The following GORASP2 variants were observed in gnomAD, a reference collection of about 807,000 sequenced individuals.
GORASP2 encodes Golgi reassembly-stacking protein 2.
A neutral mutation model predicts 45.7 loss-of-function variants in GORASP2; 22 were observed. The ratio of observed to expected loss-of-function variants is 0.48; its 90% CI spans 0.34 to 0.69. The LOEUF is 0.69. Ranked by LOEUF, GORASP2 falls within the 30% of genes least tolerant of loss-of-function variation. The pLI, the probability that GORASP2 is intolerant of heterozygous loss-of-function variation, is 0.01. For missense variants in GORASP2, 491 were observed against 562.7 expected (o/e 0.87, Z 1.29); for synonymous variants, 221 against 215.6 (o/e 1.02, Z -0.22).
chr2:170,954,618 A>G, intron 5 of GORASP2, 32 bp from the exon 6 acceptor site: 1 of 1,590,124 alleles, frequency 6.3e-7, no homozygotes, highest in Non-Finnish European at 8.6e-7. Flanking sequence ...GCTGTGATAG[A>G]TAACAACGTT....
At chr2:170,937,048 A>G (rs1480980883) in intron 1 of GORASP2, among the ~76,000 whole-genome samples, 2 of 152,112 alleles carry the variant, frequency 1.3e-5, no homozygotes, top group Non-Finnish European at 2.9e-5. Context: ...TCTCTACAAA[A>G]AATACAAGAA....
intron 1 of GORASP2, among the ~76,000 whole-genome samples, chr2:170,930,220 A>G (rs758683090): frequency 3.3e-5 from 5 of 152,228 alleles, no homozygotes; most frequent in Non-Finnish European, 7.3e-5. Context: ...GCGTCAGCTA[A>G]GCCCCTACCT....
chr2:170,945,797 G>C (rs1244014987), intron 1 of GORASP2, among the ~76,000 whole-genome samples: 1 of 152,156 alleles, frequency 6.6e-6, no homozygotes, highest in Non-Finnish European at 1.5e-5. Flanking sequence ...ACTGGTATTA[G>C]AAGGATGTAT....
intron 6 of GORASP2, among the ~76,000 whole-genome samples, chr2:170,956,037 T>C (rs1038834407): frequency 2.6e-5 from 4 of 152,238 alleles, no homozygotes; most frequent in African/African-American, 9.6e-5. Context: ...GCTGATTTCT[T>C]TCCTGAGCAA....
At chr2:170,940,400 T>G (rs773087083) in intron 1 of GORASP2, among the ~76,000 whole-genome samples, 5 of 152,158 alleles carry the variant, frequency 3.3e-5, no homozygotes, top group African/African-American at 4.8e-5. Flanking sequence ...CCTCTTACTC[T>G]GCCATTCCTC....
chr2:170,952,915 A>T (rs553829905), intron 5 of GORASP2, among the ~76,000 whole-genome samples: 1 of 152,312 alleles, frequency 6.6e-6, no homozygotes, highest in South Asian at 2.1e-4. Context: ...GCTTCAAGCA[A>T]TCTTCCCACC....
chr2:170,929,264 G>C lies in GORASP2; in HGVS notation c.-77G>C. On this transcript the variant is annotated 5_prime_UTR_variant, in exon 1 of 10. Coordinates refer to ENST00000234160, the MANE Select transcript of GORASP2 (RefSeq NM_015530.5). ...GAGTGCCACGTCCCAAGTGCTACGC[G>C]GAGGATTAGAGCAGGCGGTGCGCTG... is the stretch of plus-strand genomic sequence containing the variant. The C allele has an allele frequency of 1.7e-6, 2 of 1,157,566 alleles. No homozygotes were observed. The highest frequency in any genetic ancestry group is 2.2e-6 in the Non-Finnish European group (2 of 894,046). 71.7% of individuals were successfully genotyped at this position (1,157,566 alleles called of 1,614,324 possible). A position where few individuals can be genotyped will look rare whatever the true frequency, so the allele number is the denominator to read the frequency against.
chr2:170,945,516 G>A (rs55728499), intron 1 of GORASP2, among the ~76,000 whole-genome samples: 81,524 of 135,022 alleles, frequency 0.6, 25,533 homozygotes, highest in East Asian at 0.94. Flanking sequence ...AAAAAAAAAA[G>A]AAGAAGAAGA....
At chr2:170,948,977 A>C (rs1704237470) in intron 2 of GORASP2, among the ~76,000 whole-genome samples, 1 of 152,184 alleles carries the variant, frequency 6.6e-6, no homozygotes, top group South Asian at 2.1e-4. Flanking sequence ...GACAGTAGCC[A>C]CTTGGTTGGT....
chr2:170,943,867 A>G (rs983215329), intron 1 of GORASP2, among the ~76,000 whole-genome samples: 3 of 152,012 alleles, frequency 2.0e-5, no homozygotes, highest in African/African-American at 7.2e-5. Context: ...GTAGAGATGG[A>G]GTCTCACTTT....
intron 9 of GORASP2, among the ~76,000 whole-genome samples, chr2:170,963,482 T>TCCTCCC (rs1559316853): frequency 1.0e-4 from 4 of 38,418 alleles, no homozygotes; most frequent in African/African-American, 4.7e-4. Flanking sequence ...CCCCTCCTCC[T>TCCTCCC]CCTCCCGCCC....
intron 2 of GORASP2, among the ~76,000 whole-genome samples, chr2:170,948,945 T>A (rs1160127143): frequency 6.6e-6 from 1 of 152,216 alleles, no homozygotes; most frequent in Non-Finnish European, 1.5e-5. Context: ...AAAGAAATTA[T>A]ATAATCTCAG....
At chr2:170,929,058 G>C (rs34077758), upstream of GORASP2, 14,473 of 355,758 alleles carry the variant, frequency 0.041, 431 homozygotes, top group Non-Finnish European at 0.05. Context: ...TCTCTCGCGA[G>C]CACGACGCGG....
Position 170,956,535 on chromosome 2 carries a change from G to C in GORASP2, c.799G>C (p.Ala267Pro). The C allele has an allele frequency of 6.2e-7, 1 of 1,612,898 alleles. No homozygotes were observed. The highest frequency in any genetic ancestry group is 8.5e-7 in the Non-Finnish European group (1 of 1,179,262). Residue 267 changes from alanine to proline, a missense_variant, in exon 7 of 10, where the codon GCT (alanine) becomes CCT (proline). Coordinates refer to ENST00000234160, the MANE Select transcript of GORASP2 (RefSeq NM_015530.5). Reference protein sequence around the residue: ...TGLSISSTPPAVSSVLSTGVP... With the variant: ...TGLSISSTPPPVSSVLSTGVP... ...ACTTTCTATTAGCTCAACTCCACCA[G>C]CTGTCAGTAGTGTTCTCAGTACAGG...
In GORASP2 at chr2:170,965,810, A is replaced by G. The variant is rs759299780; in HGVS notation, c.1039A>G (p.Met347Val). 8 of 1,613,550 alleles carry G rather than the reference A, an allele frequency of 5.0e-6. No individual in the cohort carries two copies. In the South Asian group the frequency reaches 6.6e-5, roughly 13 times the overall value. ...VNPGLPPLPS[M>V]PPRNLPGIAP... ...CCTAGGTCTGCCACCTCTTCCTTCC[A>G]TGCCTCCCCGAAACTTACCTGGCAT... is the stretch of plus-strand genomic sequence containing the variant. Residue 347 changes from methionine to valine, a missense_variant, in exon 10 of 10, where the codon ATG becomes GTG. Met to Val is a conservative substitution (Grantham distance 21). Transcript: ENST00000234160.
At chr2:170,956,291 T>C in intron 6 of GORASP2, 145 bp from the exon 7 acceptor site, 3 of 630,114 alleles carry the variant, frequency 4.8e-6, no homozygotes, top group Non-Finnish European at 5.4e-6. Flanking sequence ...GGAGGGAGTG[T>C]CTGGAGGCAG....
intron 1 of GORASP2, among the ~76,000 whole-genome samples, chr2:170,940,453 A>T (rs1323384398): frequency 6.6e-6 from 1 of 152,180 alleles, no homozygotes; most frequent in African/African-American, 2.4e-5. Context: ...AGGTAATGTG[A>T]AATGACCCAA....
Position 170,951,357 on chromosome 2 carries a change from A to C in GORASP2, c.465A>C (p.Thr155=), listed in dbSNP as rs1416261126. 6.2e-7 allele frequency: 1 copy of C among 1,609,886 alleles called. No homozygotes were observed. The highest frequency in any genetic ancestry group is 8.5e-7 in the Non-Finnish European group (1 of 1,178,522). ...AAGATCTATTCAGCCTTATCGAAAC[A>C]CATGAAGCAAAACCATTGAAACTGT... The part of the protein sequence containing the change: ...ESEDLFSLIE[T]HEAKPLKLYV... The change falls in exon 5 of 10, where the codon ACA becomes ACC. Residue 155 remains threonine, a synonymous_variant. Transcript: ENST00000234160.
At chr2:170,946,541 A>G (rs1265734385) in intron 1 of GORASP2, among the ~76,000 whole-genome samples, 1 of 152,116 alleles carries the variant, frequency 6.6e-6, no homozygotes, top group Non-Finnish European at 1.5e-5. Flanking sequence ...CTATGAACCT[A>G]TGAATTATAT....
Sources: allele counts gnomAD v4.1 joint callset (sites outside exome capture counted in the v4.1 genomes callset), GRCh38; gene constraint gnomAD v4.1.1; transcripts MANE v1.5; gene names NCBI Gene and HGNC (gene_info 2026-07-23, HGNC 2026-07-21).